MKLN1: variants seen among roughly 807,000 people sequenced by gnomAD.
The protein encoded by MKLN1 is muskelin.
In MKLN1, 18 loss-of-function variants were observed where a neutral mutation model predicts 99.0. The observed-to-expected ratio is 0.18, with a 90% confidence interval of 0.13 to 0.27. The LOEUF is 0.27. Among genes scored for constraint, MKLN1 ranks in the 10% least tolerant of loss-of-function variants. MKLN1 has a pLI of 1.00. For missense variants in MKLN1, 621 were observed against 875.9 expected, an observed-to-expected ratio of 0.71 and a Z score of 3.67; for synonymous variants, 288 against 293.2, an observed-to-expected ratio of 0.98 and a Z score of 0.18.
chr7:131,229,885 G>A (rs532868914), intron 3 of MKLN1, among the ~76,000 whole-genome samples: 3 of 152,302 alleles, frequency 2.0e-5, no homozygotes, highest in African/African-American at 7.2e-5. Context: ...ACAAAGGCTG[G>A]CTGCATTAAC....
intron 1 of MKLN1, among the ~76,000 whole-genome samples, chr7:131,119,513 G>A (rs1005295966): frequency 2.6e-5 from 4 of 152,224 alleles, no homozygotes; most frequent in African/African-American, 9.6e-5. Flanking sequence ...CTCTAGTGGG[G>A]ACTTTGTGTG....
intron 2 of MKLN1, among the ~76,000 whole-genome samples, chr7:131,163,474 G>A (rs1796083413): frequency 6.6e-6 from 1 of 152,210 alleles, no homozygotes; most frequent in Non-Finnish European, 1.5e-5. Flanking sequence ...TTCAGATTGA[G>A]ATGGAGTAGA....
intron 8 of MKLN1, among the ~76,000 whole-genome samples, chr7:131,426,173 G>A (rs1300173079): frequency 1.3e-5 from 2 of 152,124 alleles, no homozygotes; most frequent in African/African-American, 4.8e-5. Flanking sequence ...GGAAATGTGG[G>A]TTTTCTTTGC....
At chr7:131,378,418 G>A (rs960677035) in intron 2 of MKLN1, among the ~76,000 whole-genome samples, 2 of 152,134 alleles carry the variant, frequency 1.3e-5, no homozygotes, top group Admixed American at 1.3e-4. Flanking sequence ...GGCCAGCATG[G>A]GTATAGTTTT....
intron 17 of MKLN1, among the ~76,000 whole-genome samples, chr7:131,480,310 G>A (rs1482594528): frequency 6.6e-6 from 1 of 151,982 alleles, no homozygotes; most frequent in Non-Finnish European, 1.5e-5. Context: ...TTTATGTTTG[G>A]AATAAAATAA....
At chr7:131,202,633 A>G (rs916845513) in intron 2 of MKLN1, among the ~76,000 whole-genome samples, 8 of 152,148 alleles carry the variant, frequency 5.3e-5, no homozygotes, top group Non-Finnish European at 1.2e-4. Flanking sequence ...GCCTCTTTCC[A>G]TTAGATGCCA....
At chr7:131,354,514 T>TTG (rs752107443) in intron 1 of MKLN1, among the ~76,000 whole-genome samples, 40 of 128,828 alleles carry the variant, frequency 3.1e-4, no homozygotes, top group African/African-American at 1.1e-3. Flanking sequence ...TTTTTTTTTG[T>TTG]GGGGGGGGGC....
At chr7:131,137,581 T>G (rs988881158) in intron 1 of MKLN1, among the ~76,000 whole-genome samples, 11 of 152,150 alleles carry the variant, frequency 7.2e-5, no homozygotes, top group East Asian at 3.8e-4. Flanking sequence ...TTTGGTTTTG[T>G]TTTTGTTTTT....
At chr7:131,120,393 A>AC (rs141975405) in intron 1 of MKLN1, among the ~76,000 whole-genome samples, 6,813 of 149,482 alleles carry the variant, frequency 0.046, 338 homozygotes, top group South Asian at 0.27. Flanking sequence ...AAACAAACAA[A>AC]AAAAAACTAG....
rs183768035 is a variant in MKLN1 at position 131,181,006 on chromosome 7, C to G, written c.-296-21851C>G. Among the ~76,000 whole-genome samples the G allele has an allele frequency of 2.6e-4, 39 of 152,208 alleles. No individual in the cohort carries two copies. In the East Asian group the frequency reaches 5.0e-3, roughly 20 times the overall value. On this transcript the variant is annotated intron_variant, in intron 2 of 7. Transcript: ENST00000416992. ...CTCAATATCAAGAGTACAGCAACACCCTTACATGTCTGCCACTCACCATAT... is the reference window on the plus strand; with the variant it reads ...CTCAATATCAAGAGTACAGCAACACGCTTACATGTCTGCCACTCACCATAT...
intron 3 of MKLN1, among the ~76,000 whole-genome samples, chr7:131,300,490 G>A (rs1460146199): frequency 1.3e-5 from 2 of 149,752 alleles, no homozygotes; most frequent in Non-Finnish European, 3.0e-5. Context: ...AGACCAGCCT[G>A]GCCAAGATGG....
chr7:131,467,065 T>A (rs181222491), intron 15 of MKLN1, among the ~76,000 whole-genome samples: 1 of 152,290 alleles, frequency 6.6e-6, no homozygotes, highest in African/African-American at 2.4e-5. Flanking sequence ...AAAAATTTGC[T>A]TTAGGGCCAG....
rs139307018 is a variant in MKLN1 at position 131,149,218 on chromosome 7, G to A, written c.-297+6277G>A. Among the ~76,000 whole-genome samples the A allele has an allele frequency of 6.0e-4, 92 of 152,264 alleles. 1 individual carries two copies. The highest frequency in any genetic ancestry group is 2.0e-3 in the African/African-American group (83 of 41,582). On this transcript the variant is annotated intron_variant, in intron 2 of 7. Coordinates refer to the MKLN1 transcript ENST00000416992. ...TTCTTGGCTTCAGTTCCTTGGAAACGTTTGTTTTGATGGTGGCAGGAGAGC... is the reference window on the plus strand; with the variant it reads ...TTCTTGGCTTCAGTTCCTTGGAAACATTTGTTTTGATGGTGGCAGGAGAGC...
chr7:131,308,638 T>C (rs1223628552), intron 3 of MKLN1, among the ~76,000 whole-genome samples: 2 of 151,706 alleles, frequency 1.3e-5, no homozygotes, highest in African/African-American at 4.8e-5. Flanking sequence ...CAGGCTGTAG[T>C]GCAATGGCAT....
intron 1 of MKLN1, among the ~76,000 whole-genome samples, chr7:131,130,797 C>G (rs1166324121): frequency 6.6e-6 from 1 of 151,978 alleles, no homozygotes; most frequent in East Asian, 1.9e-4. Flanking sequence ...TGCCTAAAAT[C>G]CAAGCACTTT....
intron 3 of MKLN1, among the ~76,000 whole-genome samples, chr7:131,227,057 G>T (rs567319962): frequency 3.9e-4 from 59 of 152,056 alleles, no homozygotes; most frequent in African/African-American, 1.2e-3. Flanking sequence ...ACCTTCTATG[G>T]TCGACCTCAA....
intron 2 of MKLN1, chr7:131,143,051 G>T: frequency 6.0e-6 from 4 of 666,370 alleles, no homozygotes; most frequent in Non-Finnish European, 9.5e-6. Context: ...CAGAAGATGT[G>T]ACTGGAGTCC....
intron 1 of MKLN1, among the ~76,000 whole-genome samples, chr7:131,126,904 G>A (rs1010099290): frequency 7.2e-5 from 11 of 152,102 alleles, no homozygotes; most frequent in Non-Finnish European, 1.0e-4. Flanking sequence ...GGTGGCTTAC[G>A]CCTGTAATCT....
rs55999608 is a variant in MKLN1, at chr7:131,399,097, C to G, written c.511-144C>G. On this transcript the variant is annotated intron_variant, in intron 5 of 17. Coordinates refer to ENST00000352689, the MANE Select transcript of MKLN1 (RefSeq NM_013255.5). ...AGTTAAAAGAGCCAAATAATGATACCTAATGAATCAGGTTAGTAAACTGCT... is the reference window on the plus strand; with the variant it reads ...AGTTAAAAGAGCCAAATAATGATACGTAATGAATCAGGTTAGTAAACTGCT... 4.5e-6 allele frequency: 3 copies of G among 663,112 alleles called. No homozygotes were observed. The East Asian group carries it at 8.8e-5, about 19-fold the overall frequency. The allele number at this position is 663,112 out of a possible 1,614,324, so 41.1% of individuals were successfully genotyped here.
Sources: allele counts gnomAD v4.1 joint callset (sites outside exome capture counted in the v4.1 genomes callset), GRCh38; gene constraint gnomAD v4.1.1; transcripts MANE v1.5; gene names NCBI Gene and HGNC (gene_info 2026-07-23, HGNC 2026-07-21).